The following PCBP3 variants were observed in gnomAD, a reference collection of about 807,000 sequenced individuals.
PCBP3 encodes poly(rC)-binding protein 3.
A neutral mutation model predicts 52.7 loss-of-function variants in PCBP3; 25 were observed. The ratio of observed to expected loss-of-function variants is 0.47; its 90% CI spans 0.35 to 0.66. The LOEUF (loss-of-function observed/expected upper bound fraction) is 0.66. PCBP3 is among the 30% of genes least tolerant of loss of function. The pLI is 0.01. For synonymous variants in PCBP3, 162 were observed against 183.0 expected (o/e 0.89, Z 0.93); for missense variants, 391 against 490.3 (o/e 0.80, Z 1.91).
intron 3 of PCBP3, among the ~76,000 whole-genome samples, chr21:45,753,988 C>T (rs1377354296): frequency 1.3e-5 from 2 of 152,154 alleles, no homozygotes; most frequent in African/African-American, 4.8e-5. Flanking sequence ...TAAAATGCAT[C>T]GTGGTGAGAA....
rs761039424 is a variant in PCBP3 at position 45,937,602 on chromosome 21, T to A, written c.909+2297T>A. Among the ~76,000 whole-genome samples the A allele has an allele frequency of 2.6e-4, 39 of 152,200 alleles. 1 individual carries two copies. Among genetic ancestry groups the A allele is most frequent in the Non-Finnish European group, 5.3e-4 (36 of 68,040 alleles). On this transcript the variant is annotated intron_variant, in intron 16 of 17. Transcript: ENST00000681687. ...TCTGATTAGGAGGGGCCACATTATTTCAGAATATTTCTATCGTTCTTCTTT... is the reference window on the plus strand; with the variant it reads ...TCTGATTAGGAGGGGCCACATTATTACAGAATATTTCTATCGTTCTTCTTT...
intron 1 of PCBP3, among the ~76,000 whole-genome samples, chr21:45,660,551 T>C (rs2080322298): frequency 6.6e-6 from 1 of 152,246 alleles, no homozygotes; most frequent in Admixed American, 6.5e-5. Flanking sequence ...ACTCCATTAC[T>C]GACTTTGTGT....
intron 4 of PCBP3, among the ~76,000 whole-genome samples, chr21:45,841,594 C>T (rs1015043532): frequency 2.0e-5 from 3 of 152,046 alleles, no homozygotes; most frequent in African/African-American, 7.3e-5. Context: ...TTCTTTGTGT[C>T]CATAGTTTTT....
At chr21:45,841,081 C>T (rs2093690336) in intron 4 of PCBP3, among the ~76,000 whole-genome samples, 1 of 152,172 alleles carries the variant, frequency 6.6e-6, no homozygotes. Flanking sequence ...ACCATCTAGC[C>T]TGGGTGTGTC....
chr21:45,909,049 G>A (rs1002421614), intron 9 of PCBP3, among the ~76,000 whole-genome samples: 4 of 151,952 alleles, frequency 2.6e-5, no homozygotes, highest in African/African-American at 9.7e-5. Context: ...CACACTTCCT[G>A]TATCAGCCTG....
rs1173850231 is a variant in PCBP3, at chr21:45,830,858, C to A, written c.-125-19103C>A. On this transcript the variant is annotated intron_variant, in intron 4 of 17. Transcript: ENST00000681687. This position sits in a 1 kb window ranked among gnomAD's most constrained non-coding sequence, Gnocchi z 4.4. The stretch of plus-strand genomic sequence containing the variant: ...AGGCCTTCCCAGAAAGGCGGGGAAT[C>A]GAGAGTGACGTAGTCACCCTCCACC... The A allele has an allele frequency of 1.3e-5, 2 of 152,236 alleles. No homozygotes were observed. The highest frequency in any genetic ancestry group is 4.8e-5 in the African/African-American group (2 of 41,462). The allele number at this position is 152,236 out of a possible 1,614,324, so 9.4% of individuals were successfully genotyped here. A position where few individuals can be genotyped will look rare whatever the true frequency, so the allele number is the denominator to read the frequency against.
At chr21:45,757,569 G>T (rs1238642798) in intron 4 of PCBP3, among the ~76,000 whole-genome samples, 2 of 152,192 alleles carry the variant, frequency 1.3e-5, no homozygotes, top group Admixed American at 1.3e-4. Flanking sequence ...GTTGTGTGCA[G>T]TTAAGTCATA....
At position 45,890,337 on chromosome 21, in the gene PCBP3, A is replaced by G. The variant is rs147996432; in HGVS notation, c.11-5871A>G. Among the ~76,000 whole-genome samples the G allele has an allele frequency of 1.6e-4, 24 of 152,342 alleles. No individual in the cohort carries two copies. In the East Asian group the frequency reaches 2.1e-3, roughly 13 times the overall value. On this transcript the variant is annotated intron_variant, in intron 5 of 17. Coordinates refer to ENST00000681687, the MANE Select transcript of PCBP3 (RefSeq NM_001384156.1). ...GGAAATGTGGATAACAGAACCTGGA[A>G]CTCGGTGCACTTAGGGGGATGTGGA...
intron 4 of PCBP3, among the ~76,000 whole-genome samples, chr21:45,835,407 C>T (rs368730681): frequency 1.4e-4 from 21 of 152,278 alleles, no homozygotes; most frequent in African/African-American, 2.6e-4. Flanking sequence ...GCCAAGTGGC[C>T]GTAGCACCTT....
At position 45,928,493 on chromosome 21, in the gene PCBP3, G is replaced by T. The variant is rs1462308179; in HGVS notation, c.718-1424G>T. ...GGGGAGGGCTCCCAGCTCCTGAGAG[G>T]CCAAGTTCAAACCCACCCAGGAGCA... On this transcript the variant is annotated intron_variant, in intron 13 of 17. Transcript: ENST00000681687. This position sits in a 1 kb window ranked among gnomAD's most constrained non-coding sequence, Gnocchi z 4.1. Among the ~76,000 whole-genome samples the T allele has an allele frequency of 6.6e-6, 1 of 152,172 alleles. No individual in the cohort carries two copies. The highest frequency in any genetic ancestry group is 2.4e-5 in the African/African-American group (1 of 41,450).
chr21:45,679,434 T>C (rs2081692130), intron 2 of PCBP3, among the ~76,000 whole-genome samples: 1 of 152,200 alleles, frequency 6.6e-6, no homozygotes, highest in Non-Finnish European at 1.5e-5. Flanking sequence ...ATAAAGTATT[T>C]TTAAAATTAA....
chr21:45,861,543 G>C (rs557733066), intron 5 of PCBP3, among the ~76,000 whole-genome samples: 1 of 152,260 alleles, frequency 6.6e-6, no homozygotes, highest in South Asian at 2.1e-4. Flanking sequence ...ACCGAGAGCT[G>C]CTCAAGATTA....
At chr21:45,883,770 G>T (rs2095455813) in intron 5 of PCBP3, among the ~76,000 whole-genome samples, 1 of 151,990 alleles carries the variant, frequency 6.6e-6, no homozygotes, top group Non-Finnish European at 1.5e-5. Context: ...TGCTTATATT[G>T]TTCTATTTGA....
chr21:45,707,856 C>T (rs554764087), intron 2 of PCBP3, among the ~76,000 whole-genome samples: 4 of 152,306 alleles, frequency 2.6e-5, no homozygotes, highest in South Asian at 4.1e-4. Flanking sequence ...CAAGACCCCA[C>T]GCTGAAGCAT....
rs9977278 is a variant in PCBP3 at position 45,746,899 on chromosome 21, G to T, written c.-161-8518G>T. Among the ~76,000 whole-genome samples, 27 of 81,438 alleles carry T rather than the reference G, an allele frequency of 3.3e-4. 1 individual carries two copies. Among genetic ancestry groups the T allele is most frequent in the African/African-American group, 1.5e-3 (25 of 16,856 alleles). 53.4% of individuals were successfully genotyped at this position (81,438 alleles called of 152,430 possible). ...CGCCGTGTCAGTCCACTGACGTAGC[G>T]CACACGGTGTTGTGTCAGCATCGCC... On this transcript the variant is annotated intron_variant, in intron 3 of 17. Coordinates refer to ENST00000681687, the MANE Select transcript of PCBP3 (RefSeq NM_001384156.1).
At chr21:45,906,898 G>C (rs2096224274) in intron 9 of PCBP3, among the ~76,000 whole-genome samples, 1 of 152,222 alleles carries the variant, frequency 6.6e-6, no homozygotes, top group African/African-American at 2.4e-5. Flanking sequence ...CGGGTGATTT[G>C]AAACGCCTCC....
At chr21:45,815,025 G>A (rs1178619152) in intron 4 of PCBP3, among the ~76,000 whole-genome samples, 3 of 124,618 alleles carry the variant, frequency 2.4e-5, no homozygotes, top group Non-Finnish European at 3.3e-5. Context: ...TGAGTGAGTG[G>A]TGAGTGAGTG....
chr21:45,898,350 C>T (rs1224420685), intron 6 of PCBP3, among the ~76,000 whole-genome samples: 1 of 56,616 alleles, frequency 1.8e-5, no homozygotes, highest in Non-Finnish European at 3.4e-5. Context: ...CCTCTGCACA[C>T]CATCCTCATG....
intron 4 of PCBP3, chr21:45,828,830 C>T (rs995605369): frequency 7.2e-5 from 11 of 152,472 alleles, no homozygotes; most frequent in African/African-American, 2.7e-4. Flanking sequence ...GACTTCTGGT[C>T]CCTCAGGAGG....
Sources: allele counts gnomAD v4.1 joint callset (sites outside exome capture counted in the v4.1 genomes callset), GRCh38; gene constraint gnomAD v4.1.1; non-coding constraint Gnocchi (gnomAD v3.1); transcripts MANE v1.5; gene names NCBI Gene and HGNC (gene_info 2026-07-23, HGNC 2026-07-21).